INHBC: variants seen among roughly 807,000 people sequenced by gnomAD.
INHBC encodes the protein inhibin beta C chain.
Under a neutral mutation model 12.4 loss-of-function variants are expected in INHBC, and 10 were observed. The ratio of observed to expected loss-of-function variants is 0.81; its 90% CI spans 0.50 to 1.37. The LOEUF is 1.37. Among genes scored for constraint, INHBC ranks in the 40% most tolerant of loss-of-function variants. The pLI is 0.00. For missense variants in INHBC, 382 were observed against 439.4 expected (o/e 0.87, Z 1.17); for synonymous variants, 147 against 171.6 (o/e 0.86, Z 1.12).
chr12:57,435,680 A>G (rs1002289223), intron 1 of INHBC, among the ~76,000 whole-genome samples: 1 of 152,140 alleles, frequency 6.6e-6, no homozygotes, highest in Non-Finnish European at 1.5e-5. Flanking sequence ...GTTCCCATAT[A>G]TACCTCAGGT....
In INHBC at chr12:57,449,857, G is replaced by A. The variant is rs761235730; in HGVS notation, c.894G>A (p.Val298=). 1.2e-6 allele frequency: 2 copies of A among 1,612,784 alleles called. No homozygotes were observed. The highest frequency in any genetic ancestry group is 8.5e-7 in the Non-Finnish European group (1 of 1,179,272). Residue 298 remains valine, a synonymous_variant, in exon 2 of 2, where the codon GTG becomes GTA. Coordinates refer to ENST00000309668, the MANE Select transcript of INHBC (RefSeq NM_005538.4). The stretch of plus-strand genomic sequence containing the variant: ...TTGCTGCCTCCTTTCACACTGCAGT[G>A]CTCAATCTTCTCAAGGCCAACACAG... ...PGIAASFHTA[V]LNLLKANTAA...
intron 1 of INHBC, 65 bp from the exon 2 acceptor site, chr12:57,449,212 A>C: frequency 2.6e-6 from 4 of 1,543,682 alleles, no homozygotes; most frequent in South Asian, 1.3e-5. Context: ...TGCTGAGTAC[A>C]GAGAAATAGT....
At chr12:57,447,570 C>T (rs1197195753) in intron 1 of INHBC, among the ~76,000 whole-genome samples, 1 of 150,694 alleles carries the variant, frequency 6.6e-6, no homozygotes, top group East Asian at 2.0e-4. Context: ...AATTATTTTT[C>T]AGGTTGAAAA....
At chr12:57,440,462 A>G (rs1870440213) in intron 1 of INHBC, among the ~76,000 whole-genome samples, 1 of 150,762 alleles carries the variant, frequency 6.6e-6, no homozygotes, top group Admixed American at 6.7e-5. Context: ...CCTCCTGAGT[A>G]GCTGGGACTA....
rs1870660076 is a variant in INHBC, at chr12:57,449,477, G to A, written c.514G>A (p.Val172Met). ...CTTGGCTACTCAGTACCTGCTGGAG[G>A]TGGATGCCAGTGGCTGGCATCAACT... ...LTLATQYLLEVDASGWHQLPL... is the reference protein window; with the variant it reads ...LTLATQYLLEMDASGWHQLPL... Residue 172 changes from valine to methionine, a missense_variant, in exon 2 of 2, where the codon GTG (valine) becomes ATG (methionine). Transcript: ENST00000309668. 1 of 1,614,188 alleles carries A rather than the reference G, an allele frequency of 6.2e-7. No homozygotes were observed. The highest frequency in any genetic ancestry group is 8.5e-7 in the Non-Finnish European group (1 of 1,180,014).
In INHBC at chr12:57,444,802, A is replaced by T. The variant is rs573466930; in HGVS notation, c.314-4475A>T. ...CAAGTGATTCTCCCGAGTAGCTGGG[A>T]TTACAGATGTGTTCCTCCATGCCCA... On this transcript the variant is annotated intron_variant, in intron 1 of 1. Coordinates refer to ENST00000309668, the MANE Select transcript of INHBC (RefSeq NM_005538.4). Among the ~76,000 whole-genome samples the T allele has an allele frequency of 3.3e-5, 5 of 151,994 alleles. No individual in the cohort carries two copies. In the East Asian group the frequency reaches 9.7e-4, roughly 29 times the overall value.
chr12:57,450,090 G>A lies in INHBC; in HGVS notation c.*68G>A. On this transcript the variant is annotated 3_prime_UTR_variant, in exon 2 of 2. Coordinates refer to ENST00000309668, the MANE Select transcript of INHBC (RefSeq NM_005538.4). ...CGCCCCTACAGAAGTGCACTTCCTT[G>A]AGAGGAGGGAATGACCTCATTCTCT... 7.0e-7 allele frequency: 1 copy of A among 1,431,166 alleles called. No individual in the cohort carries two copies. Among genetic ancestry groups the A allele is most frequent in the South Asian group, 1.6e-5 (1 of 60,772 alleles). The allele number at this position is 1,431,166 out of a possible 1,614,324, so 88.7% of individuals were successfully genotyped here. A position where few individuals can be genotyped will look rare whatever the true frequency, so the allele number is the denominator to read the frequency against.
Position 57,450,060 on chromosome 12 carries a change from A to T in INHBC, c.*38A>T. 1 of 1,475,156 alleles carries T rather than the reference A, an allele frequency of 6.8e-7. No homozygotes were observed. The highest frequency in any genetic ancestry group is 8.9e-7 in the Non-Finnish European group (1 of 1,118,448). The allele number at this position is 1,475,156 out of a possible 1,614,324, so 91.4% of individuals were successfully genotyped here. A position where few individuals can be genotyped will look rare whatever the true frequency, so the allele number is the denominator to read the frequency against. Reference sequence around the variant, plus strand: ...ATGGGCAGCCCAAGGTTGCATGGGAAAACACGCCCCTACAGAAGTGCACTT... The same window carrying T: ...ATGGGCAGCCCAAGGTTGCATGGGATAACACGCCCCTACAGAAGTGCACTT... On this transcript the variant is annotated 3_prime_UTR_variant, in exon 2 of 2. Coordinates refer to ENST00000309668, the MANE Select transcript of INHBC (RefSeq NM_005538.4).
At chr12:57,435,225 C>T (rs1244334500) in intron 1 of INHBC, 26 bp downstream of exon 1, 1 of 1,581,854 alleles carries the variant, frequency 6.3e-7, no homozygotes, top group African/African-American at 1.3e-5. Flanking sequence ...GTAGCTCTTC[C>T]CCAGAACTTG....
At chr12:57,437,529 G>A (rs1479244787) in intron 1 of INHBC, among the ~76,000 whole-genome samples, 1 of 151,650 alleles carries the variant, frequency 6.6e-6, no homozygotes, top group Non-Finnish European at 1.5e-5. Flanking sequence ...AAATTAGCTG[G>A]GCATGGTGGC....
chr12:57,443,485 T>C (rs564486186), intron 1 of INHBC, among the ~76,000 whole-genome samples: 25 of 152,138 alleles, frequency 1.6e-4, no homozygotes, highest in African/African-American at 5.8e-4. Flanking sequence ...GGTTTCTCCA[T>C]GTTGGTCAGG....
In INHBC at chr12:57,449,370, T is replaced by G. The variant is rs1158058531; in HGVS notation, c.407T>G (p.Phe136Cys). The change falls in exon 2 of 2, where the codon TTC becomes TGC. Residue 136 changes from phenylalanine to cysteine, a missense_variant. Physicochemically the swap from Phe to Cys is radical, Grantham distance 205. Coordinates refer to ENST00000309668, the MANE Select transcript of INHBC (RefSeq NM_005538.4). Reference protein sequence around the residue: ...DREVQQASLMFFVQLPSNTTW... With the variant: ...DREVQQASLMCFVQLPSNTTW... Reference sequence around the variant, plus strand: ...GAGGTCCAGCAGGCCAGTCTCATGTTCTTTGTGCAGCTCCCTTCCAATACC... The same window carrying G: ...GAGGTCCAGCAGGCCAGTCTCATGTGCTTTGTGCAGCTCCCTTCCAATACC... 1 of 1,614,102 alleles carries G rather than the reference T, an allele frequency of 6.2e-7. No individual in the cohort carries two copies. Among genetic ancestry groups the G allele is most frequent in the Non-Finnish European group, 8.5e-7 (1 of 1,180,042 alleles).
intron 1 of INHBC, among the ~76,000 whole-genome samples, chr12:57,443,639 T>C (rs1379075304): frequency 5.3e-5 from 8 of 152,112 alleles, no homozygotes; most frequent in African/African-American, 1.9e-4. Context: ...TTACAATGGG[T>C]ATTTAACTGT....
Position 57,449,767 on chromosome 12 carries a change from T to C in INHBC, c.804T>C (p.Pro268=), listed in dbSNP as rs1594731385. The C allele has an allele frequency of 3.1e-6, 5 of 1,614,246 alleles. No homozygotes were observed. The highest frequency in any genetic ancestry group is 4.2e-6 in the Non-Finnish European group (5 of 1,180,040). Residue 268 remains proline, a synonymous_variant, in exon 2 of 2, where the codon CCT becomes CCC. Coordinates refer to ENST00000309668, the MANE Select transcript of INHBC (RefSeq NM_005538.4). ...EIGWHDWIIQ[P]EGYAMNFCIG... Reference sequence around the variant, plus strand: ...GCTGGCACGACTGGATCATCCAGCCTGAGGGCTACGCCATGAACTTCTGCA... The same window carrying C: ...GCTGGCACGACTGGATCATCCAGCCCGAGGGCTACGCCATGAACTTCTGCA...
chr12:57,436,889 G>A (rs893376857), intron 1 of INHBC, among the ~76,000 whole-genome samples: 1 of 151,530 alleles, frequency 6.6e-6, no homozygotes, highest in African/African-American at 2.4e-5. Flanking sequence ...GGATGATCTC[G>A]ATCTCCTGAC....
In INHBC at chr12:57,449,993, A is replaced by G. The variant is rs1193350499; in HGVS notation, c.1030A>G (p.Met344Val). Residue 344 changes from methionine (M) to valine (V), a missense_variant, in exon 2 of 2, where the codon ATG becomes GTG. Transcript: ENST00000309668. ...CATTGTCAAGACTGACATACCTGAC[A>G]TGGTAGTAGAGGCCTGTGGGTGCAG... ...SNIVKTDIPD[M>V]VVEACGCS 1.3e-6 allele frequency: 2 copies of G among 1,531,676 alleles called. No individual in the cohort carries two copies. Among genetic ancestry groups the G allele is most frequent in the Non-Finnish European group, 1.8e-6 (2 of 1,138,690 alleles). 94.9% of individuals were successfully genotyped at this position (1,531,676 alleles called of 1,614,324 possible). A position where few individuals can be genotyped will look rare whatever the true frequency, so the allele number is the denominator to read the frequency against.
intron 1 of INHBC, among the ~76,000 whole-genome samples, chr12:57,447,558 G>A (rs1477478877): frequency 6.6e-6 from 1 of 151,168 alleles, no homozygotes; most frequent in African/African-American, 2.4e-5. Context: ...AGGAAGGAAA[G>A]TAATTATTTT....
rs748847860 is a variant in INHBC, at chr12:57,449,519, G to A, written c.556G>A (p.Ala186Thr). ...GWHQLPLGPE[A>T]QAACSQGHLT... The stretch of plus-strand genomic sequence containing the variant: ...GCATCAACTCCCCCTAGGGCCTGAA[G>A]CTCAAGCTGCCTGCAGCCAGGGGCA... The change falls in exon 2 of 2, where the codon GCT becomes ACT. Residue 186 changes from alanine (A) to threonine (T), a missense_variant. Ala to Thr is a moderately conservative substitution (Grantham distance 58). Coordinates refer to ENST00000309668, the MANE Select transcript of INHBC (RefSeq NM_005538.4). The A allele has an allele frequency of 6.2e-7, 1 of 1,614,192 alleles. No individual in the cohort carries two copies. Among genetic ancestry groups the A allele is most frequent in the East Asian group, 2.2e-5 (1 of 44,880 alleles).
At position 57,434,909 on chromosome 12, in the gene INHBC, C is replaced by A. The variant is rs1312511111; in HGVS notation, c.23C>A (p.Ala8Asp). 6.2e-7 allele frequency: 1 copy of A among 1,613,182 alleles called. No individual in the cohort carries two copies. The highest frequency in any genetic ancestry group is 1.3e-5 in the African/African-American group (1 of 74,898). Residue 8 changes from alanine (A) to aspartate (D), a missense_variant, in exon 1 of 2, where the codon GCC (alanine) becomes GAC (aspartate). Transcript: ENST00000309668. ...GCAATGACCTCCTCATTGCTTCTGG[C>A]CTTTCTCCTCCTGGCTCCAACCACA... is the stretch of plus-strand genomic sequence containing the variant. MTSSLLLAFLLLAPTTVA... is the reference protein window; with the variant it reads MTSSLLLDFLLLAPTTVA...
Sources: gnomAD v4.1 joint callset for allele counts (sites outside exome capture counted in the v4.1 genomes callset) on GRCh38, gnomAD v4.1.1 for gene constraint, MANE v1.5 for transcripts, NCBI Gene and HGNC (gene_info 2026-07-23, HGNC 2026-07-21) for gene names.